The following MACROD2 variants were observed in gnomAD, a reference collection of about 807,000 sequenced individuals.
MACROD2 encodes mono-ADP ribosylhydrolase 2.
MACROD2 carries 36 observed loss-of-function variants against 70.4 expected under a neutral mutation model. That is an observed-to-expected ratio of 0.51 (90% CI 0.39 to 0.68). MACROD2 has a LOEUF of 0.68. MACROD2 is among the 30% of genes least tolerant of loss of function. MACROD2 has a pLI of 0.00. For missense variants in MACROD2, 496 were observed against 538.4 expected (o/e 0.92, Z 0.78); for synonymous variants, 172 against 178.8 (o/e 0.96, Z 0.30).
chr20:15,717,248 C>T (rs2050720251), intron 8 of MACROD2, among the ~76,000 whole-genome samples: 1 of 152,124 alleles, frequency 6.6e-6, no homozygotes, highest in Non-Finnish European at 1.5e-5. Context: ...TAAATGAAAA[C>T]ATAGGCTAAG....
intron 12 of MACROD2, among the ~76,000 whole-genome samples, chr20:15,939,453 A>G (rs977331025): frequency 6.6e-6 from 1 of 152,160 alleles, no homozygotes; most frequent in African/African-American, 2.4e-5. Context: ...AGTCTGTATT[A>G]TAGCATGTCT....
At chr20:14,719,792 G>A (rs1472992426) in intron 5 of MACROD2, among the ~76,000 whole-genome samples, 2 of 152,116 alleles carry the variant, frequency 1.3e-5, no homozygotes, top group Non-Finnish European at 2.9e-5. Flanking sequence ...GCCTATGTTT[G>A]GTCATTAAAA....
At chr20:14,818,175 C>A (rs1466849407) in intron 5 of MACROD2, among the ~76,000 whole-genome samples, 1 of 152,076 alleles carries the variant, frequency 6.6e-6, no homozygotes, top group Non-Finnish European at 1.5e-5. Flanking sequence ...GGCATGGAGG[C>A]AGACACCAGG....
chr20:15,358,036 C>T (rs2078309149), intron 6 of MACROD2, among the ~76,000 whole-genome samples: 1 of 152,040 alleles, frequency 6.6e-6, no homozygotes, highest in Non-Finnish European at 1.5e-5. Flanking sequence ...TCTCTATCTC[C>T]TGACCGCGTG....
intron 4 of MACROD2, among the ~76,000 whole-genome samples, chr20:14,680,100 G>T (rs1311950587): frequency 6.6e-6 from 1 of 152,162 alleles, no homozygotes; most frequent in Non-Finnish European, 1.5e-5. Context: ...ATTCACATGG[G>T]AAACCACAGG....
chr20:14,328,272 C>A (rs1470040953), intron 3 of MACROD2, among the ~76,000 whole-genome samples: 1 of 152,082 alleles, frequency 6.6e-6, no homozygotes, highest in African/African-American at 2.4e-5. Flanking sequence ...ATCCAGCTAA[C>A]CTAAGTGGAA....
At chr20:14,707,243 GGGCA>G (rs1300101503) in intron 5 of MACROD2, among the ~76,000 whole-genome samples, 1 of 152,154 alleles carries the variant, frequency 6.6e-6, no homozygotes, top group East Asian at 1.9e-4. Flanking sequence ...GGAGCACTGA[GGGCA>G]GAAGACACAG....
intron 4 of MACROD2, among the ~76,000 whole-genome samples, chr20:14,590,785 G>A (rs928698852): frequency 6.6e-6 from 1 of 152,158 alleles, no homozygotes; most frequent in Non-Finnish European, 1.5e-5. Flanking sequence ...GTGAGAAAAT[G>A]TAATACTGTC....
At chr20:15,826,667 A>G (rs2064000325) in intron 8 of MACROD2, among the ~76,000 whole-genome samples, 1 of 152,230 alleles carries the variant, frequency 6.6e-6, no homozygotes, top group East Asian at 1.9e-4. Context: ...CTTTTGTCAC[A>G]AAGGTGTTTA....
intron 8 of MACROD2, among the ~76,000 whole-genome samples, chr20:15,686,150 A>G (rs182789191): frequency 1.2e-4 from 18 of 152,310 alleles, no homozygotes; most frequent in African/African-American, 4.1e-4. Context: ...CTCTGATGTC[A>G]TTTTCTCCTA....
At chr20:14,751,009 A>G (rs2071862686) in intron 5 of MACROD2, among the ~76,000 whole-genome samples, 1 of 152,142 alleles carries the variant, frequency 6.6e-6, no homozygotes, top group African/African-American at 2.4e-5. Context: ...TAATTAAAGA[A>G]TAATAAGATC....
intron 5 of MACROD2, among the ~76,000 whole-genome samples, chr20:14,921,564 C>T (rs572219770): frequency 6.6e-6 from 1 of 152,264 alleles, no homozygotes; most frequent in Non-Finnish European, 1.5e-5. Flanking sequence ...CATTGCATAC[C>T]TAAAGGCTAA....
chr20:14,821,002 C>G (rs2072837909), intron 5 of MACROD2, among the ~76,000 whole-genome samples: 1 of 152,050 alleles, frequency 6.6e-6, no homozygotes, highest in South Asian at 2.1e-4. Flanking sequence ...TCGGCATTTT[C>G]ATTAACATAG....
At chr20:15,133,350 C>T (rs979143063) in intron 5 of MACROD2, among the ~76,000 whole-genome samples, 1 of 151,986 alleles carries the variant, frequency 6.6e-6, no homozygotes, top group African/African-American at 2.4e-5. Flanking sequence ...AACAACCAAC[C>T]TCCTAGAAAA....
intron 5 of MACROD2, among the ~76,000 whole-genome samples, chr20:15,148,780 CTTT>C (rs2076248268): frequency 6.6e-6 from 1 of 151,990 alleles, no homozygotes; most frequent in Non-Finnish European, 1.5e-5. Context: ...TTGTCCAGTC[CTTT>C]TTAAGTTGGT....
chr20:14,603,424 A>G (rs1982616565), intron 4 of MACROD2, among the ~76,000 whole-genome samples: 1 of 152,226 alleles, frequency 6.6e-6, no homozygotes, highest in South Asian at 2.1e-4. Flanking sequence ...TCTCTGAAAA[A>G]AAGAAGTGGC....
intron 8 of MACROD2, among the ~76,000 whole-genome samples, chr20:15,586,945 C>A (rs1476304935): frequency 6.6e-6 from 1 of 152,054 alleles, no homozygotes; most frequent in African/African-American, 2.4e-5. Flanking sequence ...AGACTTGAAC[C>A]AATGAAAGAG....
chr20:15,587,167 C>G (rs1226984655), intron 8 of MACROD2, among the ~76,000 whole-genome samples: 1 of 152,110 alleles, frequency 6.6e-6, no homozygotes, highest in African/African-American at 2.4e-5. Context: ...ATGAAAGGTA[C>G]TTCTTACAAG....
chr20:15,495,541 G>A lies in MACROD2; in HGVS notation c.572-4233G>A, dbSNP rs149259971. ...CCCTTCCTCCTCCCCATACTCTAAGGCTAAACACCCCTGTGCTCCCAGGAG... is the reference window on the plus strand; with the variant it reads ...CCCTTCCTCCTCCCCATACTCTAAGACTAAACACCCCTGTGCTCCCAGGAG... On this transcript the variant is annotated intron_variant, in intron 7 of 17. Coordinates refer to ENST00000684519, the MANE Select transcript of MACROD2 (RefSeq NM_001351661.2). 1.9e-3 allele frequency among the ~76,000 whole-genome samples: 288 copies of A among 152,140 alleles called. 7 individuals carry two copies. In the East Asian group the frequency reaches 0.019, roughly 10 times the overall value.
Sources: allele counts gnomAD v4.1 joint callset (sites outside exome capture counted in the v4.1 genomes callset), GRCh38; gene constraint gnomAD v4.1.1; transcripts MANE v1.5; gene names NCBI Gene and HGNC (gene_info 2026-07-23, HGNC 2026-07-21).